Variants in CLIP4 observed in about 807,000 individuals in gnomAD.
CLIP4 encodes CAP-Gly domain containing linker protein family member 4.
In CLIP4, 47 loss-of-function variants were observed where a neutral mutation model predicts 73.1. The observed-to-expected ratio is 0.64, with a 90% CI of 0.51 to 0.82. CLIP4 has a LOEUF of 0.82. CLIP4 is among the 40% of genes least tolerant of loss of function. The pLI is 0.00. For missense variants in CLIP4, 874 were observed against 852.9 expected (o/e 1.02, Z -0.31); for synonymous variants, 306 against 295.4 (o/e 1.04, Z -0.37).
chr2:29,156,379 T>G lies in CLIP4; in HGVS notation c.1191T>G (p.Ser397Arg), dbSNP rs778510176. ...GATTAATGACATCAAAAAAAGATAG[T>G]GCTTCTGAGTCAACACTTTCATTGC... The part of the protein sequence containing the change: ...NTGLMTSKKD[S>R]ASESTLSLPP... The change falls in exon 10 of 16, where the codon AGT becomes AGG. Residue 397 changes from serine (S) to arginine (R), a missense_variant. Physicochemically the swap from Ser to Arg is moderately radical, Grantham distance 110. Transcript: ENST00000320081. 1.9e-6 allele frequency: 3 copies of G among 1,582,276 alleles called. No individual in the cohort carries two copies. The highest frequency in any genetic ancestry group is 2.6e-6 in the Non-Finnish European group (3 of 1,172,270).
intron 14 of CLIP4, among the ~76,000 whole-genome samples, chr2:29,169,653 A>C (rs1431722903): frequency 6.6e-6 from 1 of 152,054 alleles, no homozygotes; most frequent in Non-Finnish European, 1.5e-5. Context: ...TTTTTGGGGT[A>C]CATGTGATAA....
intron 8 of CLIP4, among the ~76,000 whole-genome samples, chr2:29,151,643 CACTTCTT>C (rs1373632862): frequency 1.3e-5 from 2 of 152,226 alleles, no homozygotes; most frequent in East Asian, 1.9e-4. Flanking sequence ...ACAAAGCACT[CACTTCTT>C]ACAGAGTCTC....
intron 7 of CLIP4, among the ~76,000 whole-genome samples, chr2:29,144,679 C>T (rs1486934392): frequency 2.0e-5 from 3 of 152,006 alleles, no homozygotes; most frequent in East Asian, 1.9e-4. Context: ...AATGCTATCC[C>T]TCCCCTAGCC....
chr2:29,181,716 C>T lies in CLIP4; in HGVS notation c.1941C>T (p.Asp647=). 1 of 1,614,142 alleles carries T rather than the reference C, an allele frequency of 6.2e-7. No homozygotes were observed. Among genetic ancestry groups the T allele is most frequent in the Non-Finnish European group, 8.5e-7 (1 of 1,180,012 alleles). The change falls in exon 16 of 16, where the codon GAC becomes GAT. Residue 647 remains aspartate, a synonymous_variant. Transcript: ENST00000320081. ...CTGTTAGGTATGTGGGCCCCACTGACTTTGCTTCAGGTATCTGGCTTGGAC... is the reference window on the plus strand; with the variant it reads ...CTGTTAGGTATGTGGGCCCCACTGATTTTGCTTCAGGTATCTGGCTTGGAC... The part of the protein sequence containing the change: ...MGTVRYVGPT[D]FASGIWLGLE...
chr2:29,113,607 T>C (rs999803727), upstream of CLIP4, among the ~76,000 whole-genome samples: 2 of 152,238 alleles, frequency 1.3e-5, no homozygotes, highest in African/African-American at 2.4e-5. The surrounding 1 kb of genome is among the most constrained non-coding windows in gnomAD (Gnocchi z 4.0). Context: ...TGCCTATGTA[T>C]CATACAGTGT....
intron 4 of CLIP4, among the ~76,000 whole-genome samples, chr2:29,133,251 A>C (rs562563119): frequency 1.5e-4 from 23 of 152,296 alleles, no homozygotes; most frequent in Non-Finnish European, 3.1e-4. Flanking sequence ...AAGACATATT[A>C]AATAGGGAAA....
Position 29,166,215 on chromosome 2 carries a change from A to G in CLIP4, c.1659-1261A>G, listed in dbSNP as rs117569121. Among the ~76,000 whole-genome samples, 4 of 152,216 alleles carry G rather than the reference A, an allele frequency of 2.6e-5. No homozygotes were observed. The East Asian group carries it at 7.7e-4, about 29-fold the overall frequency. ...ATACCACTGATCTTCAAGATGGAAGAATTTTAAACTAGGGACTGCTTGAGG... is the reference window on the plus strand; with the variant it reads ...ATACCACTGATCTTCAAGATGGAAGGATTTTAAACTAGGGACTGCTTGAGG... On this transcript the variant is annotated intron_variant, in intron 13 of 15. Coordinates refer to ENST00000320081, the MANE Select transcript of CLIP4 (RefSeq NM_024692.6).
chr2:29,156,583 C>T, intron 10 of CLIP4, 140 bp downstream of exon 10: 1 of 619,402 alleles, frequency 1.6e-6, no homozygotes, highest in Non-Finnish European at 2.8e-6. Flanking sequence ...ACTTGGAAAT[C>T]ACTGAAGCAG....
At chr2:29,133,134 GCTGTGATTGTATCACTACA>G (rs1665098645) in intron 4 of CLIP4, among the ~76,000 whole-genome samples, 1 of 152,190 alleles carries the variant, frequency 6.6e-6, no homozygotes, top group Non-Finnish European at 1.5e-5. Context: ...GTTGGCGTGA[GCTGTGATTGTATCACTACA>G]CTGCAATCTG....
intron 14 of CLIP4, among the ~76,000 whole-genome samples, chr2:29,174,010 C>G (rs748690223): frequency 1.3e-5 from 2 of 152,102 alleles, no homozygotes; most frequent in African/African-American, 4.8e-5. Flanking sequence ...TAATGTCATG[C>G]TCTTCACTTA....
chr2:29,151,427 G>A (rs1047288292), intron 8 of CLIP4, among the ~76,000 whole-genome samples: 5 of 151,294 alleles, frequency 3.3e-5, no homozygotes, highest in Admixed American at 2.0e-4. Flanking sequence ...GAGAGAGAGA[G>A]TGTGTGTGTG....
chr2:29,131,480 G>C, intron 3 of CLIP4, 83 bp downstream of exon 3: 1 of 1,415,028 alleles, frequency 7.1e-7, no homozygotes, highest in African/African-American at 1.4e-5. Context: ...AAGGAAGATG[G>C]TAATAAAGGA....
At chr2:29,127,811 C>T (rs767131437) in intron 2 of CLIP4, among the ~76,000 whole-genome samples, 1 of 152,082 alleles carries the variant, frequency 6.6e-6, no homozygotes, top group African/African-American at 2.4e-5. Flanking sequence ...TAAAAAATCA[C>T]TGTCTGTAGA....
intron 13 of CLIP4, among the ~76,000 whole-genome samples, chr2:29,165,846 C>G (rs944911600): frequency 1.3e-5 from 2 of 152,110 alleles, no homozygotes; most frequent in South Asian, 4.1e-4. Flanking sequence ...CGTTGTCAAG[C>G]CACTTTCTCA....
At chr2:29,107,358 GTTTTTTTTTTTTTTTT>G (rs796180363) in intron 1 of CLIP4, among the ~76,000 whole-genome samples, 11 of 65,352 alleles carry the variant, frequency 1.7e-4, no homozygotes, top group South Asian at 8.1e-4. Context: ...GAACATGATA[GTTTTTTTTTTTTTTTT>G]TTTTTTTTTT....
At chr2:29,133,922 A>T in intron 5 of CLIP4, 106 bp downstream of exon 5, 1 of 944,128 alleles carries the variant, frequency 1.1e-6, no homozygotes, top group South Asian at 2.0e-5. Flanking sequence ...ATCTTGTTTC[A>T]TATGCCTTTC....
intron 14 of CLIP4, among the ~76,000 whole-genome samples, chr2:29,173,391 G>A (rs1406628062): frequency 6.6e-6 from 1 of 152,198 alleles, no homozygotes; most frequent in Non-Finnish European, 1.5e-5. Flanking sequence ...AGAGTGAGCT[G>A]TTGGGGATCC....
At chr2:29,136,758 G>A (rs949491553) in intron 6 of CLIP4, among the ~76,000 whole-genome samples, 5 of 152,064 alleles carry the variant, frequency 3.3e-5, no homozygotes, top group Admixed American at 3.3e-4. Context: ...AAGAAGCCTA[G>A]GAGATGATCA....
rs769068882 is a variant in CLIP4 at position 29,145,373 on chromosome 2, G to A, written c.1021+6G>A. On this transcript the variant is annotated splice_donor_region_variant and intron_variant, in intron 8 of 15. Transcript: ENST00000320081. ...TAAATGTGCCCCCAAGTATGGTAAG[G>A]TTGATATTATTTAACTCGGTAAGAA... 6 of 1,593,508 alleles carry A rather than the reference G, an allele frequency of 3.8e-6. No individual in the cohort carries two copies. The South Asian group carries it at 6.8e-5, about 18-fold the overall frequency.
Sources: allele counts gnomAD v4.1 joint callset (sites outside exome capture counted in the v4.1 genomes callset), GRCh38; gene constraint gnomAD v4.1.1; non-coding constraint Gnocchi (gnomAD v3.1); transcripts MANE v1.5; gene names NCBI Gene and HGNC (gene_info 2026-07-23, HGNC 2026-07-21).